The following ST3GAL3 variants were observed in gnomAD, a reference collection of about 807,000 sequenced individuals.
ST3GAL3 encodes ST3 beta-galactoside alpha-2,3-sialyltransferase 3, also known as CMP-N-acetylneuraminate-beta-1,4-galactoside alpha-2,3-sialyltransferase.
A neutral mutation model predicts 50.1 loss-of-function variants in ST3GAL3; 21 were observed. The observed-to-expected ratio is 0.42, with a 90% CI of 0.30 to 0.60. The LOEUF is 0.60. ST3GAL3 is among the 20% of genes least tolerant of loss of function. The pLI, the probability that ST3GAL3 is intolerant of heterozygous loss-of-function variation, is 0.19. For synonymous variants in ST3GAL3, 183 were observed against 190.0 expected, an observed-to-expected ratio of 0.96 and a Z score of 0.30; for missense variants, 353 against 489.4, an observed-to-expected ratio of 0.72 and a Z score of 2.63.
intron 2 of ST3GAL3, among the ~76,000 whole-genome samples, chr1:43,759,984 G>T (rs934413291): frequency 6.6e-6 from 1 of 152,132 alleles, no homozygotes; most frequent in African/African-American, 2.4e-5. Context: ...GGAAAAATAC[G>T]CATAAAACAC....
At chr1:43,825,551 A>G (rs990749704) in intron 4 of ST3GAL3, among the ~76,000 whole-genome samples, 1 of 152,234 alleles carries the variant, frequency 6.6e-6, no homozygotes, top group Admixed American at 6.5e-5. Context: ...TGTCTTTTCT[A>G]TGCTGCCAAA....
intron 3 of ST3GAL3, among the ~76,000 whole-genome samples, chr1:43,804,978 G>A (rs1416519269): frequency 6.6e-6 from 1 of 152,194 alleles, no homozygotes; most frequent in Non-Finnish European, 1.5e-5. Context: ...CATCCATTCA[G>A]TACATTATGG....
chr1:43,811,563 G>A (rs2060565019), intron 3 of ST3GAL3, among the ~76,000 whole-genome samples: 1 of 152,164 alleles, frequency 6.6e-6, no homozygotes, highest in African/African-American at 2.4e-5. Flanking sequence ...CAACCCTCCA[G>A]GCAGATCTTC....
At chr1:43,923,744 T>G (rs1281055479) in intron 11 of ST3GAL3, among the ~76,000 whole-genome samples, 1 of 152,128 alleles carries the variant, frequency 6.6e-6, no homozygotes, top group Non-Finnish European at 1.5e-5. Context: ...GCCTCCCTAG[T>G]AGCAGACTGC....
intron 2 of ST3GAL3, among the ~76,000 whole-genome samples, chr1:43,741,723 A>G (rs1364986284): frequency 1.3e-5 from 2 of 152,236 alleles, no homozygotes; most frequent in African/African-American, 2.4e-5. Context: ...ATAGGAAGCT[A>G]TAAAACTGGA....
At chr1:43,862,512 G>A (rs1376415046) in intron 5 of ST3GAL3, among the ~76,000 whole-genome samples, 1 of 152,052 alleles carries the variant, frequency 6.6e-6, no homozygotes, top group African/African-American at 2.4e-5. Context: ...TGGAAGCGGC[G>A]GGTCCTACTG....
intron 5 of ST3GAL3, among the ~76,000 whole-genome samples, chr1:43,853,586 G>A (rs539751383): frequency 5.9e-5 from 9 of 152,320 alleles, no homozygotes; most frequent in Non-Finnish European, 1.0e-4. Context: ...CCAAGGTACC[G>A]AGGTCTACCA....
intron 1 of ST3GAL3, among the ~76,000 whole-genome samples, chr1:43,712,814 G>A: frequency 6.6e-6 from 1 of 152,218 alleles, no homozygotes; most frequent in East Asian, 1.9e-4. Context: ...ACACTGGTGT[G>A]GCAGGAGTAT....
chr1:43,821,058 T>C (rs1375026204), intron 4 of ST3GAL3, among the ~76,000 whole-genome samples: 1 of 152,196 alleles, frequency 6.6e-6, no homozygotes, highest in African/African-American at 2.4e-5. Context: ...AGCAGATGTT[T>C]CTTGAGCACC....
intron 4 of ST3GAL3, among the ~76,000 whole-genome samples, chr1:43,821,825 G>C (rs1055490938): frequency 6.6e-6 from 1 of 152,154 alleles, no homozygotes; most frequent in Non-Finnish European, 1.5e-5. Flanking sequence ...AAAAGTCTCA[G>C]GGGTAAAGGC....
In ST3GAL3 at chr1:43,792,097, T is replaced by C. The variant is rs1293139971; in HGVS notation, c.119-5T>C. 1 of 1,614,220 alleles carries C rather than the reference T, an allele frequency of 6.2e-7. No individual in the cohort carries two copies. The highest frequency in any genetic ancestry group is 2.2e-5 in the East Asian group (1 of 44,882). ...AAGAAATGAACTTGTCCTCTTGTGTTGCAGATTCAGTGGTTCTTTCCTTTG... is the reference window on the plus strand; with the variant it reads ...AAGAAATGAACTTGTCCTCTTGTGTCGCAGATTCAGTGGTTCTTTCCTTTG... On this transcript the variant is annotated splice_region_variant and splice_polypyrimidine_tract_variant and intron_variant, in intron 2 of 11. Coordinates refer to ENST00000347631, the MANE Select transcript of ST3GAL3 (RefSeq NM_006279.5).
intron 1 of ST3GAL3, among the ~76,000 whole-genome samples, chr1:43,721,032 G>T (rs1670154803): frequency 6.6e-6 from 1 of 152,088 alleles, no homozygotes; most frequent in Non-Finnish European, 1.5e-5. Flanking sequence ...GATTGCTTGA[G>T]GCCAGGAGTT....
At chr1:43,717,924 G>A (rs1050957264) in intron 1 of ST3GAL3, among the ~76,000 whole-genome samples, 7 of 151,580 alleles carry the variant, frequency 4.6e-5, no homozygotes, top group Non-Finnish European at 1.0e-4. Flanking sequence ...CCAGGCTAGA[G>A]TGCAATGGCA....
At chr1:43,841,535 T>C (rs1457780127) in intron 5 of ST3GAL3, 2 of 152,248 alleles carry the variant, frequency 1.3e-5, no homozygotes, top group East Asian at 3.8e-4. Context: ...TTTTGAGACA[T>C]GGCTAGAGCT....
chr1:43,825,352 A>G (rs1455249966), intron 4 of ST3GAL3, among the ~76,000 whole-genome samples: 1 of 152,220 alleles, frequency 6.6e-6, no homozygotes, highest in Non-Finnish European at 1.5e-5. Context: ...ATTATGGGCT[A>G]TAGATCTCTA....
At chr1:43,930,033 G>A (rs779679864) in intron 11 of ST3GAL3, 99 bp from the exon 12 acceptor site, 15 of 958,332 alleles carry the variant, frequency 1.6e-5, no homozygotes, top group East Asian at 1.2e-4. Flanking sequence ...CCACAGTCAC[G>A]GAGTATTGGA....
rs1692978973 is a variant in ST3GAL3, at chr1:43,766,393, C to T, written c.119-25709C>T. Among the ~76,000 whole-genome samples, 4 of 151,762 alleles carry T rather than the reference C, an allele frequency of 2.6e-5. No homozygotes were observed. The South Asian group carries it at 8.3e-4, about 32-fold the overall frequency. On this transcript the variant is annotated intron_variant, in intron 2 of 11. Transcript: ENST00000347631. Reference sequence around the variant, plus strand: ...ATGAGATGAAGTGTTTCAGAGACAACAAAGAAGTGGCGATTTAAAAAAAAA... The same window carrying T: ...ATGAGATGAAGTGTTTCAGAGACAATAAAGAAGTGGCGATTTAAAAAAAAA...
At chr1:43,837,081 G>A (rs138658308) in intron 4 of ST3GAL3, among the ~76,000 whole-genome samples, 1 of 152,308 alleles carries the variant, frequency 6.6e-6, no homozygotes, top group Non-Finnish European at 1.5e-5. Context: ...GGAGAGGGTA[G>A]GCAGGGTTAA....
At chr1:43,793,970 A>C (rs2058390372) in intron 3 of ST3GAL3, among the ~76,000 whole-genome samples, 1 of 151,730 alleles carries the variant, frequency 6.6e-6, no homozygotes, top group Non-Finnish European at 1.5e-5. Flanking sequence ...CTGTAGTCTG[A>C]GGTACTCAGG....
Sources: gnomAD v4.1 joint callset for allele counts (sites outside exome capture counted in the v4.1 genomes callset) on GRCh38, gnomAD v4.1.1 for gene constraint, MANE v1.5 for transcripts, NCBI Gene and HGNC (gene_info 2026-07-23, HGNC 2026-07-21) for gene names.